THSD4: variants seen among roughly 807,000 people sequenced by gnomAD.
THSD4 encodes thrombospondin type 1 domain containing 4.
A neutral mutation model predicts 119.0 loss-of-function variants in THSD4; 69 were observed. The ratio of observed to expected loss-of-function variants is 0.58; its 90% CI spans 0.48 to 0.71. THSD4 has a LOEUF of 0.71. Ranked by LOEUF, THSD4 falls within the 30% of genes least tolerant of loss-of-function variation. The pLI is 0.00. For missense variants in THSD4, 1,393 were observed against 1,391.1 expected (o/e 1.00, Z -0.02); for synonymous variants, 524 against 540.4 (o/e 0.97, Z 0.42).
intron 7 of THSD4, among the ~76,000 whole-genome samples, chr15:71,571,949 A>G (rs1466730694): frequency 1.3e-5 from 2 of 152,210 alleles, no homozygotes; most frequent in African/African-American, 2.4e-5. Flanking sequence ...TCAGCATCTT[A>G]GAAGAGTGGG....
intron 7 of THSD4, among the ~76,000 whole-genome samples, chr15:71,628,271 G>A (rs1216413513): frequency 6.6e-6 from 1 of 152,168 alleles, no homozygotes; most frequent in African/African-American, 2.4e-5. Context: ...TCATTAACAA[G>A]GGGGTAAAAA....
chr15:71,759,552 A>G (rs2053597530), intron 15 of THSD4, among the ~76,000 whole-genome samples: 2 of 152,240 alleles, frequency 1.3e-5, no homozygotes, highest in South Asian at 4.1e-4. Flanking sequence ...TTTTTCTGCC[A>G]GCTATTTCTA....
intron 1 of THSD4, among the ~76,000 whole-genome samples, chr15:71,127,061 C>G (rs1353185071): frequency 2.0e-5 from 3 of 152,174 alleles, no homozygotes; most frequent in Non-Finnish European, 4.4e-5. Context: ...GTCTCTCTAC[C>G]CTTTAACCAT....
At chr15:71,708,934 A>C (rs1045206493) in intron 8 of THSD4, among the ~76,000 whole-genome samples, 2 of 152,166 alleles carry the variant, frequency 1.3e-5, no homozygotes, top group Non-Finnish European at 2.9e-5. Flanking sequence ...GTGGCCCTGG[A>C]ACACTGCCAC....
chr15:71,658,703 C>T (rs1374124145), intron 7 of THSD4, among the ~76,000 whole-genome samples: 1 of 151,988 alleles, frequency 6.6e-6, no homozygotes, highest in Admixed American at 6.6e-5. Context: ...GTGCGTGGGG[C>T]AGATTGAGAA....
intron 2 of THSD4, among the ~76,000 whole-genome samples, chr15:71,150,593 A>G (rs1324990705): frequency 1.3e-5 from 2 of 151,902 alleles, no homozygotes; most frequent in Non-Finnish European, 2.9e-5. Flanking sequence ...TAGCTTCAAT[A>G]GGGCCCAGTA....
intron 8 of THSD4, among the ~76,000 whole-genome samples, chr15:71,685,713 C>A (rs555771946): frequency 7.8e-4 from 118 of 152,200 alleles, no homozygotes; most frequent in African/African-American, 2.8e-3. Flanking sequence ...CATTGTGAAT[C>A]TTCTCCTTTG....
chr15:71,504,117 T>C (rs971229104), intron 7 of THSD4, among the ~76,000 whole-genome samples: 2 of 152,174 alleles, frequency 1.3e-5, no homozygotes, highest in African/African-American at 4.8e-5. Context: ...CAAATCATAC[T>C]TTGAGATTTG....
Position 71,724,287 on chromosome 15 carries a change from A to ATATATATATT in THSD4, c.1358-4261_1358-4260insATATATATTT. On this transcript the variant is annotated intron_variant, in intron 8 of 17. Transcript: ENST00000261862. ...ATGGGATATATATATATATATATAT[A>ATATATATATT]TTTTTTTTTTCCCCCCAAGATGGAA... Among the ~76,000 whole-genome samples, 171 of 37,262 alleles carry ATATATATATT rather than the reference A, an allele frequency of 4.6e-3. 2 individuals carry two copies. Among genetic ancestry groups the ATATATATATT allele is most frequent in the East Asian group, 0.019 (11 of 570 alleles). The allele number at this position is 37,262 out of a possible 152,430, so 24.4% of individuals were successfully genotyped here. A position where few individuals can be genotyped will look rare whatever the true frequency, so the allele number is the denominator to read the frequency against.
At chr15:71,340,278 T>G (rs1169641014) in intron 6 of THSD4, among the ~76,000 whole-genome samples, 1 of 152,208 alleles carries the variant, frequency 6.6e-6, no homozygotes, top group African/African-American at 2.4e-5. Flanking sequence ...TCGTCCCCAT[T>G]TCATAGATGA....
intron 6 of THSD4, among the ~76,000 whole-genome samples, chr15:71,338,764 G>A (rs2045521972): frequency 6.6e-6 from 1 of 152,156 alleles, no homozygotes; most frequent in Non-Finnish European, 1.5e-5. Flanking sequence ...GGAGGTAAGA[G>A]AAGGGGGAAA....
chr15:71,166,509 T>C (rs933973737), intron 3 of THSD4, among the ~76,000 whole-genome samples: 3 of 152,194 alleles, frequency 2.0e-5, no homozygotes, highest in Non-Finnish European at 4.4e-5. Flanking sequence ...CAATGACTGT[T>C]CCTGTCTATG....
chr15:71,283,877 C>G (rs535466874), intron 6 of THSD4, among the ~76,000 whole-genome samples: 9 of 152,110 alleles, frequency 5.9e-5, no homozygotes, highest in Non-Finnish European at 1.0e-4. Context: ...GAGCTCAATG[C>G]CCAGGGATGG....
At chr15:71,749,076 G>A (rs1271449753) in intron 14 of THSD4, among the ~76,000 whole-genome samples, 1 of 152,178 alleles carries the variant, frequency 6.6e-6, no homozygotes, top group Non-Finnish European at 1.5e-5. Flanking sequence ...GGATATAAGG[G>A]AAAACAGTCA....
intron 7 of THSD4, among the ~76,000 whole-genome samples, chr15:71,580,716 T>C (rs1328925366): frequency 6.6e-6 from 1 of 152,170 alleles, no homozygotes; most frequent in Non-Finnish European, 1.5e-5. Context: ...TTTTTTACAT[T>C]CCATCTATAA....
At chr15:71,158,117 CA>C (rs1322090685) in intron 3 of THSD4, among the ~76,000 whole-genome samples, 2 of 139,060 alleles carry the variant, frequency 1.4e-5, no homozygotes, top group African/African-American at 5.3e-5. Context: ...CGTAAGTGTT[CA>C]TTTTCTTCCA....
At chr15:71,583,393 GT>G (rs1232804042) in intron 7 of THSD4, among the ~76,000 whole-genome samples, 2 of 150,220 alleles carry the variant, frequency 1.3e-5, no homozygotes, top group African/African-American at 2.4e-5. Flanking sequence ...TGTTTTTCTA[GT>G]TTTATTTCAT....
Position 71,765,188 on chromosome 15 carries a change from G to A in THSD4, c.2758G>A (p.Glu920Lys), listed in dbSNP as rs779183113. 25 of 1,613,754 alleles carry A rather than the reference G, an allele frequency of 1.5e-5. No individual in the cohort carries two copies. The highest frequency in any genetic ancestry group is 2.7e-5 in the African/African-American group (2 of 74,906). The change falls in exon 16 of 18, where the codon GAA becomes AAA. Residue 920 changes from glutamate (E) to lysine (K), a missense_variant. Physicochemically the swap from Glu to Lys is moderately conservative, Grantham distance 56. Transcript: ENST00000261862. ...KPCGAKWFST[E>K]WSMCSKSCQG... ...TTGCGGAGCCAAATGGTTTAGCACC[G>A]AATGGAGCATGGTAAGTCATGGTGC...
chr15:71,707,088 G>A (rs956027087), intron 8 of THSD4, among the ~76,000 whole-genome samples: 3 of 152,094 alleles, frequency 2.0e-5, no homozygotes, highest in Non-Finnish European at 4.4e-5. Flanking sequence ...AGATGGGAGG[G>A]TGGTTCTGAA....
Sources: gnomAD v4.1 joint callset for allele counts (sites outside exome capture counted in the v4.1 genomes callset) on GRCh38, gnomAD v4.1.1 for gene constraint, MANE v1.5 for transcripts, NCBI Gene and HGNC (gene_info 2026-07-23, HGNC 2026-07-21) for gene names.